The following STK25 variants were observed in gnomAD, a reference collection of about 807,000 sequenced individuals.
STK25 encodes the protein serine/threonine kinase 25.
STK25 carries 29 observed loss-of-function variants against 53.8 expected under a neutral mutation model. That is an observed-to-expected ratio of 0.54 (90% CI 0.40 to 0.74). The LOEUF is 0.74. Among genes scored for constraint, STK25 ranks in the 30% least tolerant of loss-of-function variants. The pLI, the probability that STK25 is intolerant of heterozygous loss-of-function variation, is 0.00. For synonymous variants in STK25, 247 were observed against 238.3 expected (o/e 1.04, Z -0.33); for missense variants, 420 against 568.0 (o/e 0.74, Z 2.65).
At chr2:241,508,231 A>G in intron 1 of STK25, 96 bp from the exon 2 acceptor site, 1 of 1,301,596 alleles carries the variant, frequency 7.7e-7, no homozygotes, top group East Asian at 3.2e-5. Context: ...GGCCCAGGAG[A>G]CCCCCCAGGC....
chr2:241,493,817 G>T lies in STK25; in HGVS notation c.*1845C>A. The T allele has an allele frequency of 1.9e-6, 1 of 519,830 alleles. No homozygotes were observed. 32.2% of individuals were successfully genotyped at this position (519,830 alleles called of 1,614,324 possible). ...TCACCATGTTGGCCAGGCTGGTCTC[G>T]AACTCCTGACCTCAAGTGATCCATC... On this transcript the variant is annotated 3_prime_UTR_variant, in exon 12 of 12. Transcript: ENST00000316586.
In STK25 at chr2:241,497,699, T is replaced by C; in HGVS notation, c.1033-12A>G. ...ACGGGCTCCGCAGGCTGCAAAGGAG[T>C]GGAGGCCCAGGGTGAGCAGGGCAGT... On this transcript the variant is annotated splice_polypyrimidine_tract_variant and intron_variant, in intron 9 of 11. Coordinates refer to ENST00000316586, the MANE Select transcript of STK25 (RefSeq NM_001271977.2). 4 of 1,612,666 alleles carry C rather than the reference T, an allele frequency of 2.5e-6. No homozygotes were observed. The highest frequency in any genetic ancestry group is 2.5e-6 in the Non-Finnish European group (3 of 1,179,754).
chr2:241,504,420 G>A (rs140065177), intron 2 of STK25, among the ~76,000 whole-genome samples: 50 of 152,316 alleles, frequency 3.3e-4, no homozygotes, highest in African/African-American at 1.2e-3. Flanking sequence ...AACTCGGCAG[G>A]ATAGAGAGAG....
At chr2:241,508,907 G>C (rs2125021130), upstream of STK25, among the ~76,000 whole-genome samples, 1 of 152,230 alleles carries the variant, frequency 6.6e-6, no homozygotes, top group Admixed American at 6.5e-5. Context: ...GCCAGGCGTC[G>C]TCTCCGACGT....
chr2:241,494,083 C>G lies in STK25; in HGVS notation c.*1579G>C. 1 of 1,454,538 alleles carries G rather than the reference C, an allele frequency of 6.9e-7. No individual in the cohort carries two copies. Among genetic ancestry groups the G allele is most frequent in the Non-Finnish European group, 9.0e-7 (1 of 1,108,518 alleles). The allele number at this position is 1,454,538 out of a possible 1,614,324, so 90.1% of individuals were successfully genotyped here. On this transcript the variant is annotated 3_prime_UTR_variant, in exon 12 of 12. Coordinates refer to ENST00000316586, the MANE Select transcript of STK25 (RefSeq NM_001271977.2). The surrounding 1 kb of genome is among the most constrained non-coding windows in gnomAD (Gnocchi z 4.9). ...GCATCGTGCAGGATGGCCCCCAACCCTCCTCAGGGCTGGAGGGGATGGTCA... is the reference window on the plus strand; with the variant it reads ...GCATCGTGCAGGATGGCCCCCAACCGTCCTCAGGGCTGGAGGGGATGGTCA...
intron 10 of STK25, chr2:241,497,248 G>A (rs1490403858): frequency 9.8e-6 from 2 of 204,522 alleles, no homozygotes; most frequent in East Asian, 1.3e-4. Flanking sequence ...TTCTGAGGAC[G>A]GTGCTGACTG....
upstream of STK25, chr2:241,508,816 G>A: frequency 1.1e-6 from 1 of 901,782 alleles, no homozygotes; most frequent in Non-Finnish European, 1.3e-6. Context: ...CCGCGCGCCT[G>A]GGCGGGCGGG....
chr2:241,498,556 A>C, intron 8 of STK25, 83 bp downstream of exon 8: 1 of 1,515,614 alleles, frequency 6.6e-7, no homozygotes, highest in South Asian at 1.2e-5. Context: ...CCTCACCCCC[A>C]GGGCCCACGC....
chr2:241,497,547 T>A (rs2065246367), intron 10 of STK25, 69 bp downstream of exon 10: 1 of 1,497,242 alleles, frequency 6.7e-7, no homozygotes, highest in East Asian at 2.3e-5. Context: ...GAGGGAGACA[T>A]CTCCGTGCAA....
At chr2:241,500,305 G>A in intron 4 of STK25, 24 bp from the exon 5 acceptor site, 1 of 1,560,614 alleles carries the variant, frequency 6.4e-7, no homozygotes, top group Admixed American at 1.7e-5. Flanking sequence ...TGCGACAGCA[G>A]GGCCTCAGCT....
chr2:241,503,514 C>T (rs985955331), intron 2 of STK25, among the ~76,000 whole-genome samples: 3 of 150,896 alleles, frequency 2.0e-5, no homozygotes, highest in African/African-American at 7.3e-5. Context: ...AGATCAAGAC[C>T]ACCCTGGCTA....
At position 241,492,744 on chromosome 2, in the gene STK25, T is replaced by C; in HGVS notation, c.*2918A>G. 1 of 560,406 alleles carries C rather than the reference T, an allele frequency of 1.8e-6. No individual in the cohort carries two copies. Among genetic ancestry groups the C allele is most frequent in the Non-Finnish European group, 3.2e-6 (1 of 314,332 alleles). 34.7% of individuals were successfully genotyped at this position (560,406 alleles called of 1,614,324 possible). ...TTACTTGGTGCCTGGAATGTCACTC[T>C]AGGTTTTTAACATGCTTCTGTTGGA... On this transcript the variant is annotated 3_prime_UTR_variant, in exon 12 of 12. Transcript: ENST00000316586.
Position 241,501,493 on chromosome 2 carries a change from A to G in STK25, c.246T>C (p.Phe82=), listed in dbSNP as rs142503478. 205 of 1,614,062 alleles carry G rather than the reference A, an allele frequency of 1.3e-4. 1 individual carries two copies. In the African/African-American group the frequency reaches 2.5e-3, roughly 20 times the overall value. ...CAACAGGCACCTTTAGGTAGGAGCCAAAGTAGCGGGTGATGTAGGGGCTGT... is the reference window on the plus strand; with the variant it reads ...CAACAGGCACCTTTAGGTAGGAGCCGAAGTAGCGGGTGATGTAGGGGCTGT... ...QCDSPYITRY[F]GSYLKSTKLW... is the part of the protein sequence containing the mutation. The change falls in exon 3 of 12, where the codon TTT becomes TTC. Residue 82 remains phenylalanine, a synonymous_variant. Coordinates refer to ENST00000316586, the MANE Select transcript of STK25 (RefSeq NM_001271977.2). This position sits in a 1 kb window ranked among gnomAD's most constrained non-coding sequence, Gnocchi z 5.3.
At position 241,494,243 on chromosome 2, in the gene STK25, G is replaced by A. The variant is rs1419290730; in HGVS notation, c.*1419C>T. On this transcript the variant is annotated 3_prime_UTR_variant, in exon 12 of 12. Coordinates refer to ENST00000316586, the MANE Select transcript of STK25 (RefSeq NM_001271977.2). This position sits in a 1 kb window ranked among gnomAD's most constrained non-coding sequence, Gnocchi z 4.9. ...GCTGTGGTCTCACTGGATCCCCACT[G>A]GCACCAGCAGTGTGGGTGGGCCTCA... is the stretch of plus-strand genomic sequence containing the variant. 3.7e-6 allele frequency: 2 copies of A among 538,136 alleles called. No individual in the cohort carries two copies. The highest frequency in any genetic ancestry group is 6.2e-6 in the Non-Finnish European group (2 of 322,616). The allele number at this position is 538,136 out of a possible 1,614,324, so 33.3% of individuals were successfully genotyped here.
intron 2 of STK25, among the ~76,000 whole-genome samples, chr2:241,502,163 A>G (rs2065551642): frequency 6.6e-6 from 1 of 151,774 alleles, no homozygotes; most frequent in Non-Finnish European, 1.5e-5. Flanking sequence ...AAACTCCATT[A>G]AAAAAACAAA....
In STK25 at chr2:241,495,132, CAAAA is replaced by C. The variant is rs2065076152; in HGVS notation, c.*526_*529del. 6.5e-6 allele frequency: 1 copy of C among 152,884 alleles called. No homozygotes were observed. Among genetic ancestry groups the C allele is most frequent in the Non-Finnish European group, 1.5e-5 (1 of 68,544 alleles). The allele number at this position is 152,884 out of a possible 1,614,324, so 9.5% of individuals were successfully genotyped here. On this transcript the variant is annotated 3_prime_UTR_variant, in exon 12 of 12. Transcript: ENST00000316586. ...CAAGTAATTCAATTTTCTTAAAAAA[CAAAA>C]CATTCTGGATGACACAAGTACTTAT...
At chr2:241,503,919 C>A (rs2065662926) in intron 2 of STK25, 4 of 432,994 alleles carry the variant, frequency 9.2e-6, no homozygotes, top group Non-Finnish European at 1.9e-5. Flanking sequence ...GAGGAGCTGG[C>A]TGAAGCCAAC....
At chr2:241,508,604 C>T (rs1013452290), upstream of STK25, 98 of 987,142 alleles carry the variant, frequency 9.9e-5, 1 homozygote, top group East Asian at 8.6e-3. Context: ...ACGGCGAGGG[C>T]GGTGCTCGGC....
intron 2 of STK25, among the ~76,000 whole-genome samples, chr2:241,505,387 T>A (rs1346282012): frequency 6.6e-6 from 1 of 152,184 alleles, no homozygotes; most frequent in African/African-American, 2.4e-5. Flanking sequence ...CAGAGGTCTG[T>A]TGGTGCCCTG....
Sources: allele counts gnomAD v4.1 joint callset (sites outside exome capture counted in the v4.1 genomes callset), GRCh38; gene constraint gnomAD v4.1.1; non-coding constraint Gnocchi (gnomAD v3.1); transcripts MANE v1.5; gene names NCBI Gene and HGNC (gene_info 2026-07-23, HGNC 2026-07-21).